Variants in NLGN1 observed in about 807,000 individuals in gnomAD.
NLGN1 encodes neuroligin-1.
In NLGN1, 12 loss-of-function variants were observed where a neutral mutation model predicts 65.5. The ratio of observed to expected loss-of-function variants is 0.18; its 90% CI spans 0.12 to 0.30. The LOEUF (loss-of-function observed/expected upper bound fraction) is 0.30. NLGN1 is among the 10% of genes least tolerant of loss of function. The pLI is 1.00. For missense variants in NLGN1, 750 were observed against 1,007.1 expected, an observed-to-expected ratio of 0.74 and a Z score of 3.46; for synonymous variants, 350 against 359.5, an observed-to-expected ratio of 0.97 and a Z score of 0.30.
intron 3 of NLGN1, among the ~76,000 whole-genome samples, chr3:173,681,340 T>C (rs1763914942): frequency 6.6e-6 from 1 of 152,240 alleles, no homozygotes; most frequent in Non-Finnish European, 1.5e-5. Flanking sequence ...AATAATTGAC[T>C]GTTAGCTGTT....
At chr3:173,731,403 T>C (rs1182639867) in intron 3 of NLGN1, among the ~76,000 whole-genome samples, 2 of 152,116 alleles carry the variant, frequency 1.3e-5, no homozygotes. Flanking sequence ...ATTTTGGAAA[T>C]GCACAAATCG....
chr3:173,594,772 C>A (rs527625540), intron 2 of NLGN1, among the ~76,000 whole-genome samples: 1 of 152,358 alleles, frequency 6.6e-6, no homozygotes, highest in South Asian at 2.1e-4. Flanking sequence ...CTTCTGAAAT[C>A]TAGGTGGAGG....
At chr3:173,459,449 C>G (rs1420651063) in intron 2 of NLGN1, among the ~76,000 whole-genome samples, 1 of 152,022 alleles carries the variant, frequency 6.6e-6, no homozygotes, top group African/African-American at 2.4e-5. Flanking sequence ...AATGCATAAA[C>G]TCAGTGACAT....
chr3:173,777,944 G>A (rs180944608), intron 3 of NLGN1, among the ~76,000 whole-genome samples: 52 of 151,820 alleles, frequency 3.4e-4, no homozygotes, highest in African/African-American at 1.1e-3. Context: ...AATAATCATT[G>A]TATTAAACAA....
At chr3:173,627,130 T>G (rs1754947058) in intron 3 of NLGN1, among the ~76,000 whole-genome samples, 1 of 152,108 alleles carries the variant, frequency 6.6e-6, no homozygotes, top group African/African-American at 2.4e-5. Flanking sequence ...TTTTCGGTAT[T>G]ATTGAGGTAT....
At chr3:173,734,670 C>T (rs1353565673) in intron 3 of NLGN1, among the ~76,000 whole-genome samples, 6 of 151,934 alleles carry the variant, frequency 3.9e-5, no homozygotes, top group Non-Finnish European at 8.8e-5. Flanking sequence ...TTCCAAAGTG[C>T]TAGGATTATG....
intron 3 of NLGN1, among the ~76,000 whole-genome samples, chr3:173,709,778 G>A (rs1768636077): frequency 7.2e-6 from 1 of 139,778 alleles, no homozygotes. Context: ...ATTACAGCCT[G>A]GGCAACGAGA....
intron 4 of NLGN1, among the ~76,000 whole-genome samples, chr3:174,032,770 A>G (rs1352941405): frequency 6.6e-6 from 1 of 152,132 alleles, no homozygotes; most frequent in Non-Finnish European, 1.5e-5. Context: ...CTTCTCCACA[A>G]GGAGGGCCAG....
At chr3:174,267,383 C>T (rs1748475090) in intron 4 of NLGN1, among the ~76,000 whole-genome samples, 1 of 152,096 alleles carries the variant, frequency 6.6e-6, no homozygotes, top group Non-Finnish European at 1.5e-5. Flanking sequence ...GGCCCCACCT[C>T]CTACACTGGG....
chr3:174,151,150 C>T (rs1724262837), intron 4 of NLGN1, among the ~76,000 whole-genome samples: 2 of 134,836 alleles, frequency 1.5e-5, no homozygotes, highest in South Asian at 4.5e-4. Flanking sequence ...GTGTCTTTTA[C>T]ACATAGAAAG....
chr3:173,510,090 C>T (rs1732687556), intron 2 of NLGN1, among the ~76,000 whole-genome samples: 1 of 152,190 alleles, frequency 6.6e-6, no homozygotes, highest in Non-Finnish European at 1.5e-5. Flanking sequence ...AAATTCTCCA[C>T]TTGCAGGATC....
intron 4 of NLGN1, among the ~76,000 whole-genome samples, chr3:173,973,787 T>C (rs1370949587): frequency 6.6e-6 from 1 of 152,116 alleles, no homozygotes; most frequent in Non-Finnish European, 1.5e-5. Context: ...ATAGTAATAA[T>C]GTTGGCTACA....
intron 4 of NLGN1, among the ~76,000 whole-genome samples, chr3:174,187,060 A>T (rs931303826): frequency 6.6e-6 from 1 of 152,048 alleles, no homozygotes; most frequent in Non-Finnish European, 1.5e-5. Flanking sequence ...TACCGAATAC[A>T]ATGTGAGTAC....
chr3:173,950,766 G>A (rs893745008), intron 4 of NLGN1, among the ~76,000 whole-genome samples: 5 of 148,668 alleles, frequency 3.4e-5, no homozygotes, highest in African/African-American at 1.0e-4. Flanking sequence ...CCAAGATTGC[G>A]CCATTACACT....
intron 4 of NLGN1, among the ~76,000 whole-genome samples, chr3:174,060,082 C>G (rs977691005): frequency 1.3e-5 from 2 of 152,028 alleles, no homozygotes; most frequent in Non-Finnish European, 2.9e-5. Context: ...CCAATGTGAT[C>G]CTAAATTCAG....
At chr3:173,849,537 T>C (rs1202260001) in intron 4 of NLGN1, among the ~76,000 whole-genome samples, 1 of 152,190 alleles carries the variant, frequency 6.6e-6, no homozygotes, top group Non-Finnish European at 1.5e-5. Flanking sequence ...TATATTTTAC[T>C]AATACAAAAT....
chr3:173,570,547 G>T (rs1364449518), intron 2 of NLGN1, among the ~76,000 whole-genome samples: 1 of 152,134 alleles, frequency 6.6e-6, no homozygotes, highest in East Asian at 1.9e-4. Flanking sequence ...TTCCTTCTTT[G>T]TAAAAGGAGC....
At chr3:173,605,625 G>C in intron 3 of NLGN1, 32 bp downstream of exon 3, 1 of 1,107,816 alleles carries the variant, frequency 9.0e-7, no homozygotes, top group South Asian at 1.3e-5. Flanking sequence ...AAAAATGGGG[G>C]AAAAAGCTTG....
chr3:174,207,553 T>C (rs1213496727), intron 4 of NLGN1, among the ~76,000 whole-genome samples: 1 of 152,238 alleles, frequency 6.6e-6, no homozygotes, highest in Non-Finnish European at 1.5e-5. Context: ...ATGGACTTTA[T>C]GATAGTCAAA....
Sources: allele counts gnomAD v4.1 joint callset (sites outside exome capture counted in the v4.1 genomes callset), GRCh38; gene constraint gnomAD v4.1.1; transcripts MANE v1.5; gene names NCBI Gene and HGNC (gene_info 2026-07-23, HGNC 2026-07-21).